The following HPS3 variants were observed in gnomAD, a reference collection of about 807,000 sequenced individuals.
HPS3 encodes the protein BLOC-2 complex member HPS3.
Under a neutral mutation model 110.9 loss-of-function variants are expected in HPS3, and 79 were observed. The ratio of observed to expected loss-of-function variants is 0.71; its 90% CI spans 0.59 to 0.86. The LOEUF is 0.86. Ranked by LOEUF, HPS3 falls within the 40% of genes least tolerant of loss-of-function variation. The pLI is 0.00. For synonymous variants in HPS3, 428 were observed against 451.0 expected (o/e 0.95, Z 0.65); for missense variants, 1,197 against 1,206.2 (o/e 0.99, Z 0.11).
rs1323796977 is a variant in HPS3 at position 149,153,928 on chromosome 3, A to G, written c.1400+280A>G. On this transcript the variant is annotated intron_variant, in intron 7 of 16. Transcript: ENST00000296051. ...AAGGCCATGCTTTTCTGTGTAATTA[A>G]TGAGAAAGACTGAGCCTATAATGCT... The G allele has an allele frequency of 6.9e-6, 3 of 435,514 alleles. No homozygotes were observed. In the East Asian group the frequency reaches 1.4e-4, roughly 20 times the overall value. 27.0% of individuals were successfully genotyped at this position (435,514 alleles called of 1,614,324 possible).
At chr3:149,158,286 G>A (rs978952494) in intron 9 of HPS3, among the ~76,000 whole-genome samples, 4 of 152,250 alleles carry the variant, frequency 2.6e-5, no homozygotes. Context: ...TTTAGAGTCC[G>A]ATCATGAATA....
intron 5 of HPS3, among the ~76,000 whole-genome samples, chr3:149,148,399 C>CTT (rs66720211): frequency 0.082 from 8,268 of 100,278 alleles, 961 homozygotes; most frequent in African/African-American, 0.19. Context: ...CATATCAAGA[C>CTT]TTTTTTTTTT....
intron 1 of HPS3, among the ~76,000 whole-genome samples, chr3:149,139,141 A>G (rs908002396): frequency 6.6e-5 from 10 of 152,262 alleles, no homozygotes; most frequent in Admixed American, 2.6e-4. Flanking sequence ...TAAGGGAATT[A>G]TTGAATAAAT....
intron 3 of HPS3, 36 bp downstream of exon 3, chr3:149,141,224 T>C: frequency 1.3e-6 from 2 of 1,572,532 alleles, no homozygotes; most frequent in Non-Finnish European, 1.7e-6. Flanking sequence ...ACCAGCATTT[T>C]ATGTATATAT....
chr3:149,135,299 G>A (rs775884449), intron 1 of HPS3, among the ~76,000 whole-genome samples: 1 of 152,112 alleles, frequency 6.6e-6, no homozygotes, highest in South Asian at 2.1e-4. Context: ...TGTGTGATAC[G>A]GTTTGGCTGT....
chr3:149,146,592 C>A (rs970229493), intron 5 of HPS3, among the ~76,000 whole-genome samples: 2 of 152,236 alleles, frequency 1.3e-5, no homozygotes, highest in African/African-American at 2.4e-5. Context: ...GGTAGTATCA[C>A]AATCTCTAGC....
chr3:149,134,613 T>C (rs1721972479), intron 1 of HPS3, among the ~76,000 whole-genome samples: 1 of 152,142 alleles, frequency 6.6e-6, no homozygotes, highest in African/African-American at 2.4e-5. Context: ...AGAGATACAG[T>C]AGTAGTTTCC....
chr3:149,171,343 G>A (rs532296357), intron 16 of HPS3, among the ~76,000 whole-genome samples: 4 of 152,196 alleles, frequency 2.6e-5, no homozygotes, highest in Admixed American at 6.5e-5. Flanking sequence ...GTAAATGGTC[G>A]TGAAAACAGA....
At chr3:149,134,400 C>G (rs538717125) in intron 1 of HPS3, among the ~76,000 whole-genome samples, 1 of 152,212 alleles carries the variant, frequency 6.6e-6, no homozygotes, top group Admixed American at 6.5e-5. Flanking sequence ...AAGACAGGGA[C>G]AGACAGGCAT....
chr3:149,131,003 G>A (rs989098140), intron 1 of HPS3, among the ~76,000 whole-genome samples: 1 of 152,048 alleles, frequency 6.6e-6, no homozygotes, highest in African/African-American at 2.4e-5. Flanking sequence ...AAAAGCTGGT[G>A]GCTATGCTAT....
At chr3:149,151,092 C>T (rs780895795) in intron 6 of HPS3, among the ~76,000 whole-genome samples, 3 of 152,024 alleles carry the variant, frequency 2.0e-5, no homozygotes, top group Admixed American at 1.3e-4. Context: ...ACTGCAGCCT[C>T]GAACTCCTGG....
At chr3:149,152,720 C>G (rs1474797809) in intron 6 of HPS3, among the ~76,000 whole-genome samples, 1 of 152,206 alleles carries the variant, frequency 6.6e-6, no homozygotes, top group African/African-American at 2.4e-5. Context: ...GCCACCTTAA[C>G]TATTTTTACA....
chr3:149,141,306 C>T lies in HPS3; in HGVS notation c.896C>T (p.Pro299Leu), dbSNP rs2108130532. 1 of 1,612,994 alleles carries T rather than the reference C, an allele frequency of 6.2e-7. No individual in the cohort carries two copies. Among genetic ancestry groups the T allele is most frequent in the South Asian group, 1.1e-5 (1 of 91,048 alleles). ...TTTTAAACCCACAGACGTTTTGCTC[C>T]TGATATTTCGTCCTATGTCTTGTCT... is the stretch of plus-strand genomic sequence containing the variant. ...FQHLLYRRFA[P>L]DISSYVLSDD... Residue 299 changes from proline (P) to leucine (L), a missense_variant, in exon 4 of 17, where the codon CCT (proline) becomes CTT (leucine). By Grantham distance (98) the Pro-to-Leu change is moderately conservative. Transcript: ENST00000296051.
chr3:149,141,359 C>G lies in HPS3; in HGVS notation c.949C>G (p.Leu317Val), dbSNP rs1269608722. Reference sequence around the variant, plus strand: ...TGACATCAAGCTACATTCCCTCCAGCTGCTACCCATTTACCAGACCGGTAA... The same window carrying G: ...TGACATCAAGCTACATTCCCTCCAGGTGCTACCCATTTACCAGACCGGTAA... ...SDDIKLHSLQLLPIYQTGSLT... is the reference protein window; with the variant it reads ...SDDIKLHSLQVLPIYQTGSLT... Residue 317 changes from leucine (L) to valine (V), a missense_variant, in exon 4 of 17, where the codon CTG (leucine) becomes GTG (valine). Leu to Val is a conservative substitution (Grantham distance 32). Coordinates refer to ENST00000296051, the MANE Select transcript of HPS3 (RefSeq NM_032383.5). 6.2e-7 allele frequency: 1 copy of G among 1,613,634 alleles called. No homozygotes were observed. Among genetic ancestry groups the G allele is most frequent in the Non-Finnish European group, 8.5e-7 (1 of 1,179,618 alleles).
chr3:149,171,144 G>T lies in HPS3; in HGVS notation c.2888-951G>T, dbSNP rs181010451. ...AATACAAAAATTAGCTGGACGTGGT[G>T]GTGCGCACCTGTAGTCCCAGCTATT... On this transcript the variant is annotated intron_variant, in intron 16 of 16. Coordinates refer to ENST00000296051, the MANE Select transcript of HPS3 (RefSeq NM_032383.5). 9.8e-4 allele frequency among the ~76,000 whole-genome samples: 149 copies of T among 152,226 alleles called. 1 individual carries two copies. The highest frequency in any genetic ancestry group is 7.4e-5 in the Non-Finnish European group (5 of 68,016).
chr3:149,134,329 C>T (rs1364959746), intron 1 of HPS3, among the ~76,000 whole-genome samples: 2 of 152,178 alleles, frequency 1.3e-5, no homozygotes, highest in African/African-American at 4.8e-5. Flanking sequence ...AAGAGTTCTA[C>T]TGAGTAACAA....
At chr3:149,158,635 A>T in intron 9 of HPS3, 31 bp from the exon 10 acceptor site, 1 of 1,603,344 alleles carries the variant, frequency 6.2e-7, no homozygotes, top group Non-Finnish European at 8.5e-7. Flanking sequence ...AAAAGTGACA[A>T]ATTTGAGGTT....
chr3:149,139,057 A>T (rs1292401207), intron 1 of HPS3, among the ~76,000 whole-genome samples: 1 of 152,220 alleles, frequency 6.6e-6, no homozygotes, highest in Non-Finnish European at 1.5e-5. Context: ...AAATAAATAT[A>T]TAGATATAAG....
At chr3:149,152,835 C>A (rs1723215369) in intron 6 of HPS3, among the ~76,000 whole-genome samples, 1 of 152,162 alleles carries the variant, frequency 6.6e-6, no homozygotes, top group East Asian at 1.9e-4. Context: ...AGAGCTCTTC[C>A]ATTAGTTTTC....
Sources: gnomAD v4.1 joint callset for allele counts (sites outside exome capture counted in the v4.1 genomes callset) on GRCh38, gnomAD v4.1.1 for gene constraint, MANE v1.5 for transcripts, NCBI Gene and HGNC (gene_info 2026-07-23, HGNC 2026-07-21) for gene names.